The following LIMCH1 variants were observed in gnomAD, a reference collection of about 807,000 sequenced individuals.
LIMCH1 encodes the protein LIM and calponin homology domains-containing protein 1.
A neutral mutation model predicts 176.5 loss-of-function variants in LIMCH1; 113 were observed. That is an observed-to-expected ratio of 0.64 (90% CI 0.55 to 0.75). The LOEUF is 0.75. LIMCH1 is among the 30% of genes least tolerant of loss of function. LIMCH1 has a pLI of 0.00. For synonymous variants in LIMCH1, 619 were observed against 645.9 expected, an observed-to-expected ratio of 0.96 and a Z score of 0.63; for missense variants, 1,674 against 1,814.9, an observed-to-expected ratio of 0.92 and a Z score of 1.41.
intron 23 of LIMCH1, among the ~76,000 whole-genome samples, chr4:41,676,810 T>A (rs1238628448): frequency 2.6e-5 from 4 of 152,196 alleles, no homozygotes; most frequent in Non-Finnish European, 5.9e-5. Context: ...AGCTCTCTGC[T>A]AGCATACACG....
intron 22 of LIMCH1, among the ~76,000 whole-genome samples, chr4:41,672,139 G>A (rs1457465050): frequency 6.6e-6 from 1 of 152,140 alleles, no homozygotes; most frequent in Non-Finnish European, 1.5e-5. Flanking sequence ...GGAGACCGAG[G>A]TAGGTGGATC....
intron 2 of LIMCH1, among the ~76,000 whole-genome samples, chr4:41,523,348 C>T (rs947481779): frequency 1.3e-5 from 2 of 152,104 alleles, no homozygotes; most frequent in African/African-American, 2.4e-5. Context: ...AGTTGTAGCA[C>T]AAAAGTAGCC....
At chr4:41,444,084 G>A (rs759357014) in intron 1 of LIMCH1, among the ~76,000 whole-genome samples, 7 of 152,168 alleles carry the variant, frequency 4.6e-5, no homozygotes, top group African/African-American at 7.2e-5. Context: ...TAGCTGAAAT[G>A]TGTGCAAGAG....
chr4:41,526,638 C>A (rs2076687219), intron 3 of LIMCH1, among the ~76,000 whole-genome samples: 1 of 152,176 alleles, frequency 6.6e-6, no homozygotes, highest in Admixed American at 6.5e-5. Flanking sequence ...ATGATATTGA[C>A]CCAAAGCAGC....
rs768965404 is a variant in LIMCH1 at position 41,682,433 on chromosome 4, A to C, written c.3818A>C (p.Glu1273Ala). The C allele has an allele frequency of 6.2e-7, 1 of 1,613,148 alleles. No individual in the cohort carries two copies. Among genetic ancestry groups the C allele is most frequent in the Non-Finnish European group, 8.5e-7 (1 of 1,179,348 alleles). ...DDSDLLLKTR[E>A]SDRLEEKGSL... ...AGTGACTTATTGCTGAAGACTAGGG[A>C]AAGTGATCGACTGGAGGAGAAGGGC... is the stretch of plus-strand genomic sequence containing the variant. The change falls in exon 26 of 32, where the codon GAA becomes GCA. Residue 1273 changes from glutamate to alanine, a missense_variant. Glu to Ala is a moderately radical substitution (Grantham distance 107). Coordinates refer to ENST00000503057, the MANE Select transcript of LIMCH1 (RefSeq NM_001330672.2).
At chr4:41,651,279 T>C (rs903938472) in intron 18 of LIMCH1, among the ~76,000 whole-genome samples, 6 of 152,180 alleles carry the variant, frequency 3.9e-5, no homozygotes, top group African/African-American at 9.7e-5. Context: ...GTGCTGGGAT[T>C]ACAGGCATGA....
At chr4:41,626,399 T>C in intron 7 of LIMCH1, among the ~76,000 whole-genome samples, 1 of 152,158 alleles carries the variant, frequency 6.6e-6, no homozygotes, top group East Asian at 1.9e-4. Context: ...CTTCCCATTT[T>C]TCCCCAATTT....
rs141785975 is a variant in LIMCH1, at chr4:41,506,597, C to G, written c.167+11991C>G. 6.6e-4 allele frequency among the ~76,000 whole-genome samples: 100 copies of G among 152,156 alleles called. No individual in the cohort carries two copies. In the East Asian group the frequency reaches 0.016, roughly 24 times the overall value. Reference sequence around the variant, plus strand: ...AGTGTACGAGTAAATGTAAAACCAACAAAGATTTAATCTCCAAGATTTAAT... The same window carrying G: ...AGTGTACGAGTAAATGTAAAACCAAGAAAGATTTAATCTCCAAGATTTAAT... On this transcript the variant is annotated intron_variant, in intron 2 of 26. Coordinates refer to the LIMCH1 transcript ENST00000313860.
At chr4:41,460,201 AT>A (rs1325812618) in intron 1 of LIMCH1, among the ~76,000 whole-genome samples, 2 of 152,104 alleles carry the variant, frequency 1.3e-5, no homozygotes, top group Admixed American at 1.3e-4. Context: ...AGGTGTGACT[AT>A]TTAACTTTAA....
chr4:41,579,426 A>G (rs1481178770), intron 1 of LIMCH1, among the ~76,000 whole-genome samples: 1 of 152,174 alleles, frequency 6.6e-6, no homozygotes, highest in Non-Finnish European at 1.5e-5. Context: ...GCACCCTTAA[A>G]CATGAGATGG....
At chr4:41,409,726 T>A (rs2059313601) in intron 1 of LIMCH1, among the ~76,000 whole-genome samples, 1 of 152,182 alleles carries the variant, frequency 6.6e-6, no homozygotes, top group South Asian at 2.1e-4. Flanking sequence ...GGAAGTCAAC[T>A]CTTGGCTCTT....
chr4:41,502,165 G>C (rs941969937), intron 2 of LIMCH1, among the ~76,000 whole-genome samples: 1 of 150,886 alleles, frequency 6.6e-6, no homozygotes, highest in South Asian at 2.1e-4. Context: ...TGTGGTGTTT[G>C]GTTTTCTGTT....
chr4:41,686,864 C>G (rs1490009700), intron 28 of LIMCH1, among the ~76,000 whole-genome samples: 1 of 152,146 alleles, frequency 6.6e-6, no homozygotes, highest in Non-Finnish European at 1.5e-5. Flanking sequence ...AGTTTCATTT[C>G]TATTTGTCTG....
At chr4:41,512,352 A>C (rs1345529074) in intron 2 of LIMCH1, among the ~76,000 whole-genome samples, 1 of 152,240 alleles carries the variant, frequency 6.6e-6, no homozygotes, top group Non-Finnish European at 1.5e-5. Context: ...GCAGTTCCTC[A>C]AAAGGTTAAA....
chr4:41,583,816 A>G (rs1328154865), intron 1 of LIMCH1, among the ~76,000 whole-genome samples: 2 of 151,550 alleles, frequency 1.3e-5, no homozygotes, highest in African/African-American at 4.8e-5. Flanking sequence ...CGTACCCTAC[A>G]TATCTCTTCT....
intron 1 of LIMCH1, among the ~76,000 whole-genome samples, chr4:41,375,489 T>A (rs2054601379): frequency 6.6e-6 from 1 of 152,264 alleles, no homozygotes; most frequent in African/African-American, 2.4e-5. Context: ...TTACACTGAA[T>A]TACTGTAACT....
chr4:41,445,515 A>T (rs920460212), intron 1 of LIMCH1, among the ~76,000 whole-genome samples: 7 of 152,182 alleles, frequency 4.6e-5, no homozygotes, highest in Non-Finnish European at 1.0e-4. Context: ...TTGTCCTCAA[A>T]TTTTTTGGCA....
At chr4:41,638,135 T>G (rs191716833) in intron 13 of LIMCH1, among the ~76,000 whole-genome samples, 208 of 149,376 alleles carry the variant, frequency 1.4e-3, no homozygotes, top group African/African-American at 4.7e-3. Flanking sequence ...TGTTGTTGTT[T>G]TTTCATGTGC....
chr4:41,658,225 T>C (rs1455053186), intron 18 of LIMCH1, among the ~76,000 whole-genome samples: 1 of 152,206 alleles, frequency 6.6e-6, no homozygotes, highest in Admixed American at 6.5e-5. Context: ...CTGAGAATTA[T>C]GTGAGACGAT....
Sources: allele counts gnomAD v4.1 joint callset (sites outside exome capture counted in the v4.1 genomes callset), GRCh38; gene constraint gnomAD v4.1.1; transcripts MANE v1.5; gene names NCBI Gene and HGNC (gene_info 2026-07-23, HGNC 2026-07-21).